ARMH4: variants seen among roughly 807,000 people sequenced by gnomAD.
ARMH4 encodes the protein armadillo like helical domain containing 4.
In ARMH4, 49 loss-of-function variants were observed where a neutral mutation model predicts 61.9. That is an observed-to-expected ratio of 0.79 (90% CI 0.63 to 1.00). ARMH4 has a LOEUF of 1.00. Ranked by LOEUF, ARMH4 falls within the 50% of genes least tolerant of loss-of-function variation. The pLI is 0.00. For missense variants in ARMH4, 934 were observed against 930.0 expected, an observed-to-expected ratio of 1.00 and a Z score of -0.06; for synonymous variants, 368 against 341.5, an observed-to-expected ratio of 1.08 and a Z score of -0.85.
rs902325082 is a variant in ARMH4 at position 58,061,013 on chromosome 14, A to G, written c.2089+35711T>C. Among the ~76,000 whole-genome samples, 5 of 152,196 alleles carry G rather than the reference A, an allele frequency of 3.3e-5. No homozygotes were observed. In the South Asian group the frequency reaches 1.0e-3, roughly 32 times the overall value. On this transcript the variant is annotated intron_variant, in intron 5 of 7. Transcript: ENST00000267485. The stretch of plus-strand genomic sequence containing the variant: ...GTTAAGGGTGACAGAAGCAGCCTGC[A>G]TCAATAGCCCTGCTTGAGCCCCTCA...
chr14:58,087,768 CTA>C (rs1258453069), intron 5 of ARMH4, among the ~76,000 whole-genome samples: 3 of 152,202 alleles, frequency 2.0e-5, no homozygotes, highest in Admixed American at 6.5e-5. Flanking sequence ...ACAAAATTAT[CTA>C]TGCCATCAAT....
intron 5 of ARMH4, among the ~76,000 whole-genome samples, chr14:58,094,694 T>C (rs1020254209): frequency 7.9e-5 from 12 of 152,216 alleles, no homozygotes; most frequent in Non-Finnish European, 1.3e-4. Flanking sequence ...CAAAATGGTA[T>C]ATACCATATG....
chr14:58,131,409 T>C, intron 4 of ARMH4, 103 bp downstream of exon 4: 2 of 917,236 alleles, frequency 2.2e-6, no homozygotes, highest in Non-Finnish European at 3.4e-6. Flanking sequence ...CTCTGATCTA[T>C]ACTGCAGATT....
At chr14:58,124,792 G>A (rs560244943) in intron 4 of ARMH4, among the ~76,000 whole-genome samples, 10 of 152,284 alleles carry the variant, frequency 6.6e-5, no homozygotes, top group South Asian at 6.2e-4. Flanking sequence ...TTTGAAAAGC[G>A]AGGTATGCAG....
At chr14:58,020,439 C>T (rs1882782248) in intron 5 of ARMH4, among the ~76,000 whole-genome samples, 1 of 152,158 alleles carries the variant, frequency 6.6e-6, no homozygotes, top group African/African-American at 2.4e-5. Flanking sequence ...GTCTCTGTCT[C>T]TCATTGTGTC....
At chr14:58,010,710 T>C in intron 6 of ARMH4, among the ~76,000 whole-genome samples, 1 of 152,032 alleles carries the variant, frequency 6.6e-6, no homozygotes, top group Non-Finnish European at 1.5e-5. Flanking sequence ...AATAAAAAAA[T>C]ATAGCCTTTC....
intron 5 of ARMH4, among the ~76,000 whole-genome samples, chr14:58,057,538 T>C (rs1259226972): frequency 6.6e-6 from 1 of 150,892 alleles, no homozygotes; most frequent in Non-Finnish European, 1.5e-5. Context: ...TTGTCTAAAA[T>C]GCTATCTTCC....
intron 5 of ARMH4, among the ~76,000 whole-genome samples, chr14:58,020,341 C>T (rs1882777896): frequency 6.6e-6 from 1 of 152,150 alleles, no homozygotes; most frequent in South Asian, 2.1e-4. Context: ...TGTATTAGCT[C>T]ACCTGGTATT....
At chr14:58,007,476 T>G (rs1332415508) in intron 6 of ARMH4, among the ~76,000 whole-genome samples, 4 of 152,344 alleles carry the variant, frequency 2.6e-5, no homozygotes, top group Non-Finnish European at 5.9e-5. Flanking sequence ...TCACAAAAAC[T>G]CAGTTACATC....
chr14:58,081,578 G>A (rs914486802), intron 5 of ARMH4, among the ~76,000 whole-genome samples: 4 of 151,050 alleles, frequency 2.6e-5, no homozygotes, highest in Admixed American at 6.6e-5. Flanking sequence ...TCGGCTCACT[G>A]CAAGCTCCGC....
At chr14:58,081,587 G>A (rs528145333) in intron 5 of ARMH4, among the ~76,000 whole-genome samples, 11 of 150,430 alleles carry the variant, frequency 7.3e-5, no homozygotes, top group Non-Finnish European at 1.6e-4. Flanking sequence ...TGCAAGCTCC[G>A]CCTCCCAGGT....
chr14:58,138,834 C>T lies in ARMH4; in HGVS notation c.525G>A (p.Glu175=). ...TSTNFQPIVE[E]ITETTKGFLK... is the part of the protein sequence containing the mutation. ...GAAAACCTTTTGTGGTTTCTGTGAT[C>T]TCTTCTACAATGGGCTGAAAGTTAG... is the stretch of plus-strand genomic sequence containing the variant. Residue 175 remains glutamate (E), a synonymous_variant, in exon 2 of 8, where the codon GAG becomes GAA. Coordinates refer to ENST00000267485, the MANE Select transcript of ARMH4 (RefSeq NM_001001872.4). 6.2e-7 allele frequency: 1 copy of T among 1,614,212 alleles called. No homozygotes were observed. Among genetic ancestry groups the T allele is most frequent in the Non-Finnish European group, 8.5e-7 (1 of 1,180,030 alleles).
At chr14:58,146,223 T>C (rs896614066) in intron 1 of ARMH4, among the ~76,000 whole-genome samples, 2 of 152,240 alleles carry the variant, frequency 1.3e-5, no homozygotes, top group African/African-American at 2.4e-5. Flanking sequence ...CTGGGAGAAG[T>C]GGAAGGAGGA....
rs190585051 is a variant in ARMH4, at chr14:58,010,333, C to T, written c.2121+1786G>A. Among the ~76,000 whole-genome samples the T allele has an allele frequency of 1.4e-4, 21 of 151,932 alleles. No homozygotes were observed. The Middle Eastern group carries it at 0.01, about 74-fold the overall frequency. ...AGGATCACCTGTAAGACTTGTTAAA[C>T]GAAGATATATGTACATATGTGTGTA... On this transcript the variant is annotated intron_variant, in intron 6 of 7. Transcript: ENST00000267485.
intron 5 of ARMH4, among the ~76,000 whole-genome samples, chr14:58,074,518 A>G (rs917161107): frequency 4.6e-5 from 7 of 151,682 alleles, no homozygotes; most frequent in African/African-American, 1.7e-4. Context: ...AGTCTAGACA[A>G]TCAACAAAAC....
chr14:58,052,712 C>G (rs1884187158), intron 5 of ARMH4, among the ~76,000 whole-genome samples: 1 of 152,136 alleles, frequency 6.6e-6, no homozygotes. Context: ...ACCTCGCACC[C>G]TAGACATCAT....
At chr14:58,048,198 G>T (rs188101822) in intron 5 of ARMH4, among the ~76,000 whole-genome samples, 1 of 152,244 alleles carries the variant, frequency 6.6e-6, no homozygotes, top group Admixed American at 6.5e-5. Context: ...AGTCACAAAA[G>T]CTTATAACGG....
chr14:58,064,802 C>T (rs2141218991), intron 5 of ARMH4, among the ~76,000 whole-genome samples: 1 of 152,270 alleles, frequency 6.6e-6, no homozygotes, highest in East Asian at 1.9e-4. Context: ...AAAAATGTTT[C>T]ACAGAAAGTA....
intron 5 of ARMH4, among the ~76,000 whole-genome samples, chr14:58,076,108 G>A (rs1885041294): frequency 6.7e-6 from 1 of 149,484 alleles, no homozygotes; most frequent in South Asian, 2.2e-4. Context: ...GGAAGGGGGA[G>A]GGGGAAGGGG....
Sources: allele counts gnomAD v4.1 joint callset (sites outside exome capture counted in the v4.1 genomes callset), GRCh38; gene constraint gnomAD v4.1.1; transcripts MANE v1.5; gene names NCBI Gene and HGNC (gene_info 2026-07-23, HGNC 2026-07-21).